DNAH6: variants seen among roughly 807,000 people sequenced by gnomAD.
DNAH6 encodes axonemal beta dynein heavy chain 6.
A neutral mutation model predicts 491.4 loss-of-function variants in DNAH6; 340 were observed. That is an observed-to-expected ratio of 0.69 (90% CI 0.63 to 0.76). DNAH6 has a LOEUF of 0.76. DNAH6 is among the 30% of genes least tolerant of loss of function. The probability of loss-of-function intolerance (pLI) is 0.00; values close to 1 mark genes in which losing one functional copy is unlikely to be tolerated. For missense variants in DNAH6, 4,443 were observed against 4,972.2 expected (o/e 0.89, Z 3.20); for synonymous variants, 1,603 against 1,686.1 (o/e 0.95, Z 1.21).
intron 42 of DNAH6, among the ~76,000 whole-genome samples, chr2:84,684,025 A>G (rs1694054892): frequency 1.3e-5 from 2 of 151,816 alleles, no homozygotes; most frequent in African/African-American, 4.8e-5. Context: ...GATCTTCCCA[A>G]CTCCCGATCT....
chr2:84,576,690 G>A (rs1682481127), intron 12 of DNAH6, among the ~76,000 whole-genome samples: 1 of 152,138 alleles, frequency 6.6e-6, no homozygotes, highest in African/African-American at 2.4e-5. Flanking sequence ...CAGATGGATT[G>A]GATGAGGGAG....
intron 37 of DNAH6, among the ~76,000 whole-genome samples, chr2:84,663,470 T>C (rs1284882866): frequency 6.6e-6 from 1 of 151,668 alleles, no homozygotes; most frequent in Non-Finnish European, 1.5e-5. Context: ...CAGCAGCCGA[T>C]TCTATCAATT....
At chr2:84,590,953 C>A (rs1234459121) in intron 16 of DNAH6, among the ~76,000 whole-genome samples, 1 of 152,168 alleles carries the variant, frequency 6.6e-6, no homozygotes, top group East Asian at 1.9e-4. Context: ...CCGCTGAGAA[C>A]AAAAGCAACA....
chr2:84,806,744 T>C (rs1269997003), intron 71 of DNAH6, among the ~76,000 whole-genome samples: 1 of 151,464 alleles, frequency 6.6e-6, no homozygotes, highest in Non-Finnish European at 1.5e-5. Context: ...GATGTCATTA[T>C]AGGAAAAAGA....
At chr2:84,595,354 G>A (rs1684479288) in intron 17 of DNAH6, among the ~76,000 whole-genome samples, 1 of 152,092 alleles carries the variant, frequency 6.6e-6, no homozygotes, top group Non-Finnish European at 1.5e-5. Flanking sequence ...TTTCTGGTTA[G>A]CAAGAGTAAA....
chr2:84,477,544 G>A, the DNAH6 span, among the ~76,000 whole-genome samples: 3 of 152,174 alleles, frequency 2.0e-5, no homozygotes, highest in Admixed American at 6.5e-5. Context: ...TAGTGGGGAT[G>A]GGGGGATAGC....
chr2:84,479,295 G>A, the DNAH6 span, among the ~76,000 whole-genome samples: 1 of 152,160 alleles, frequency 6.6e-6, no homozygotes, highest in African/African-American at 2.4e-5. Flanking sequence ...CTTGAGGGTG[G>A]GGCCCTTGCC....
At chr2:84,799,071 T>G (rs1362023116) in intron 70 of DNAH6, among the ~76,000 whole-genome samples, 1 of 147,552 alleles carries the variant, frequency 6.8e-6, no homozygotes, top group South Asian at 2.2e-4. Context: ...CACTGCAACC[T>G]CCACCTCCCA....
At chr2:84,589,907 T>C (rs1276560922) in intron 16 of DNAH6, among the ~76,000 whole-genome samples, 1 of 151,824 alleles carries the variant, frequency 6.6e-6, no homozygotes, top group Non-Finnish European at 1.5e-5. Context: ...GAAGATGCCA[T>C]TGGTCTCCCC....
Position 84,638,600 on chromosome 2 carries a change from C to T in DNAH6, c.4821+1223C>T, listed in dbSNP as rs531864655. Among the ~76,000 whole-genome samples the T allele has an allele frequency of 9.9e-5, 15 of 152,262 alleles. No individual in the cohort carries two copies. The South Asian group carries it at 3.1e-3, about 32-fold the overall frequency. On this transcript the variant is annotated intron_variant, in intron 31 of 76. Transcript: ENST00000389394. ...ATAACAGCTAATTTTAAATATTCTT[C>T]TATGTGAAATAAAAGTAATTGCTTA...
Position 84,703,535 on chromosome 2 carries a change from G to A in DNAH6, c.8202G>A (p.Leu2734=). ...SEDVEALMEK[L]AVDQESADQV... ...ATGTTGAAGCCCTGATGGAAAAATT[G>A]GCAGTGGATCAAGAAAGTGCCGATC... is the stretch of plus-strand genomic sequence containing the variant. Residue 2734 remains leucine, a synonymous_variant, in exon 50 of 77, where the codon TTG becomes TTA. Coordinates refer to ENST00000389394, the MANE Select transcript of DNAH6 (RefSeq NM_001370.2). The A allele has an allele frequency of 6.4e-7, 1 of 1,551,254 alleles. No individual in the cohort carries two copies. The highest frequency in any genetic ancestry group is 8.7e-7 in the Non-Finnish European group (1 of 1,146,720).
the DNAH6 span, among the ~76,000 whole-genome samples, chr2:84,499,817 G>A: frequency 1.3e-5 from 2 of 151,828 alleles, no homozygotes; most frequent in Non-Finnish European, 2.9e-5. Flanking sequence ...ATGCCTGTTT[G>A]ACATTTGTGC....
At chr2:84,587,490 GCTT>G (rs1683681271) in intron 15 of DNAH6, among the ~76,000 whole-genome samples, 2 of 152,144 alleles carry the variant, frequency 1.3e-5, no homozygotes, top group South Asian at 4.2e-4. Context: ...TCTAACTAGT[GCTT>G]CTTCTATAGA....
chr2:84,611,633 T>A, intron 21 of DNAH6, 41 bp from the exon 22 acceptor site: 3 of 1,485,168 alleles, frequency 2.0e-6, no homozygotes, highest in Non-Finnish European at 2.8e-6. Context: ...TGTTTTTAAT[T>A]GGGGAATTAA....
intron 11 of DNAH6, among the ~76,000 whole-genome samples, chr2:84,566,136 A>C (rs1681175406): frequency 6.6e-6 from 1 of 151,910 alleles, no homozygotes; most frequent in African/African-American, 2.4e-5. Flanking sequence ...TTTTTTAGGG[A>C]AATATTTTTA....
intron 44 of DNAH6, among the ~76,000 whole-genome samples, chr2:84,687,127 A>G (rs1694340445): frequency 6.6e-6 from 1 of 152,184 alleles, no homozygotes; most frequent in South Asian, 2.1e-4. Context: ...GAGTTCCTCA[A>G]GCCTGTCTCT....
the DNAH6 span, among the ~76,000 whole-genome samples, chr2:84,460,671 T>C: frequency 1.3e-5 from 2 of 149,400 alleles, no homozygotes; most frequent in African/African-American, 4.9e-5. Context: ...TTGATATATA[T>C]AGGAGAAATA....
At chr2:84,703,687 C>G in intron 50 of DNAH6, 125 bp downstream of exon 50, 1 of 860,968 alleles carries the variant, frequency 1.2e-6, no homozygotes, top group South Asian at 3.3e-5. Flanking sequence ...ATAGATTTAG[C>G]AAAGTTTTTT....
chr2:84,642,634 G>A (rs1254338835), intron 33 of DNAH6, among the ~76,000 whole-genome samples: 1 of 150,624 alleles, frequency 6.6e-6, no homozygotes, highest in African/African-American at 2.4e-5. Context: ...ACTTTTTTCA[G>A]TGGTTGCCCT....
Sources: gnomAD v4.1 joint callset for allele counts (sites outside exome capture counted in the v4.1 genomes callset) on GRCh38, gnomAD v4.1.1 for gene constraint, MANE v1.5 for transcripts, NCBI Gene and HGNC (gene_info 2026-07-23, HGNC 2026-07-21) for gene names.